The following CSMD3 variants were observed in gnomAD, a reference collection of about 807,000 sequenced individuals.
CSMD3 encodes the protein CUB and sushi domain-containing protein 3.
Under a neutral mutation model 435.2 loss-of-function variants are expected in CSMD3, and 177 were observed. That is an observed-to-expected ratio of 0.41 (90% CI 0.36 to 0.46). The LOEUF (loss-of-function observed/expected upper bound fraction) is 0.46. CSMD3 is among the 20% of genes least tolerant of loss of function. The probability of loss-of-function intolerance (pLI) is 0.34; values close to 1 mark genes in which losing one functional copy is unlikely to be tolerated. For synonymous variants in CSMD3, 1,656 were observed against 1,520.5 expected, an observed-to-expected ratio of 1.09 and a Z score of -2.07; for missense variants, 4,265 against 4,504.6, an observed-to-expected ratio of 0.95 and a Z score of 1.52.
At position 112,295,857 on chromosome 8, in the gene CSMD3, A is replaced by T. The variant is rs2130714010; in HGVS notation, c.8590T>A (p.Ser2864Thr). ...CGCACACAGGATGGGAGCTGACCAG[A>T]CCAATTGTGATCCTGTTGACATATC... ...VRICQQDHNW[S>T]GQLPSCVPVS... Residue 2864 changes from serine (S) to threonine (T), a missense_variant, in exon 54 of 71, where the codon TCT becomes ACT. Physicochemically the swap from Ser to Thr is moderately conservative, Grantham distance 58. Coordinates refer to ENST00000297405, the MANE Select transcript of CSMD3 (RefSeq NM_198123.2). The T allele has an allele frequency of 1.2e-6, 2 of 1,613,976 alleles. No homozygotes were observed. The highest frequency in any genetic ancestry group is 1.3e-5 in the African/African-American group (1 of 75,008).
At chr8:113,062,308 A>T (rs1029331004) in intron 5 of CSMD3, among the ~76,000 whole-genome samples, 7 of 151,946 alleles carry the variant, frequency 4.6e-5, no homozygotes, top group African/African-American at 1.4e-4. Context: ...GATTCTAAAT[A>T]AGCATGAATA....
intron 16 of CSMD3, among the ~76,000 whole-genome samples, chr8:112,670,954 T>G (rs2075641567): frequency 6.6e-6 from 1 of 152,154 alleles, no homozygotes; most frequent in Non-Finnish European, 1.5e-5. Flanking sequence ...AGTATTTTAA[T>G]TTAATAAAAT....
Position 112,223,564 on chromosome 8 carries a change from A to G in CSMD3, c.*1207T>C, listed in dbSNP as rs1196845687. 1 of 152,850 alleles carries G rather than the reference A, an allele frequency of 6.5e-6. No individual in the cohort carries two copies. Among genetic ancestry groups the G allele is most frequent in the African/African-American group, 2.4e-5 (1 of 41,468 alleles). 9.5% of individuals were successfully genotyped at this position (152,850 alleles called of 1,614,324 possible). On this transcript the variant is annotated 3_prime_UTR_variant, in exon 71 of 71. Coordinates refer to ENST00000297405, the MANE Select transcript of CSMD3 (RefSeq NM_198123.2). The stretch of plus-strand genomic sequence containing the variant: ...ATATCTTAATTTGACAATGAAAGAA[A>G]CCTCTTGTATGTGAAACTTGGTGTT...
intron 13 of CSMD3, 85 bp downstream of exon 13, chr8:112,800,077 T>G: frequency 1.1e-6 from 1 of 910,178 alleles, no homozygotes. Flanking sequence ...AAACTTTTAA[T>G]TTTGTAGATG....
intron 22 of CSMD3, among the ~76,000 whole-genome samples, chr8:112,624,811 A>G (rs912884732): frequency 3.3e-5 from 5 of 152,036 alleles, no homozygotes; most frequent in African/African-American, 1.2e-4. Flanking sequence ...TAAAGATATG[A>G]GATATGATTT....
At chr8:113,329,820 G>A (rs981292427) in intron 1 of CSMD3, among the ~76,000 whole-genome samples, 1 of 151,882 alleles carries the variant, frequency 6.6e-6, no homozygotes. Context: ...ACAAGAGAAC[G>A]TTAACAAGAA....
chr8:113,346,344 A>G (rs543161988), intron 1 of CSMD3, among the ~76,000 whole-genome samples: 1 of 152,194 alleles, frequency 6.6e-6, no homozygotes, highest in African/African-American at 2.4e-5. Context: ...TGCAAACCTA[A>G]TTTTTAAAAC....
At chr8:112,959,993 A>C (rs2130858585) in intron 7 of CSMD3, among the ~76,000 whole-genome samples, 1 of 151,980 alleles carries the variant, frequency 6.6e-6, no homozygotes, top group East Asian at 1.9e-4. Flanking sequence ...TGTAATTCTT[A>C]ACTATTTAGG....
At chr8:112,565,871 T>A (rs1324046350) in intron 24 of CSMD3, among the ~76,000 whole-genome samples, 1 of 151,996 alleles carries the variant, frequency 6.6e-6, no homozygotes, top group East Asian at 1.9e-4. Context: ...AATTAAATAA[T>A]CTTCAACAAA....
At chr8:113,404,984 A>G (rs74517085) in intron 1 of CSMD3, among the ~76,000 whole-genome samples, 2,737 of 151,568 alleles carry the variant, frequency 0.018, 93 homozygotes, top group African/African-American at 0.06. Flanking sequence ...AGGTCAAATT[A>G]AGTCTATGTT....
At chr8:112,506,031 G>C (rs1822468752) in intron 29 of CSMD3, among the ~76,000 whole-genome samples, 1 of 151,978 alleles carries the variant, frequency 6.6e-6, no homozygotes, top group Non-Finnish European at 1.5e-5. Context: ...TGAGAAAATG[G>C]GGATAGTAAT....
At chr8:112,645,327 G>T in intron 19 of CSMD3, 102 bp from the exon 20 acceptor site, 1 of 759,622 alleles carries the variant, frequency 1.3e-6, no homozygotes, top group Non-Finnish European at 2.4e-6. Context: ...CATTATCTTT[G>T]CTTATGCTAC....
intron 59 of CSMD3, among the ~76,000 whole-genome samples, chr8:112,270,369 T>TGTGTGTGTGTTAGGGGTGAGTGTGTGTGC (rs1554623044): frequency 2.0e-5 from 3 of 150,468 alleles, no homozygotes; most frequent in Non-Finnish European, 4.4e-5. Context: ...TGTGTGTGTG[T>TGTGTGTGTGTTAGGGGTGAGTGTGTGTGC]GTGTGTGTGT....
chr8:113,350,619 G>T (rs1456453939), intron 1 of CSMD3, among the ~76,000 whole-genome samples: 2 of 152,038 alleles, frequency 1.3e-5, no homozygotes, highest in African/African-American at 4.8e-5. Flanking sequence ...CAATTTCTCT[G>T]AAGGATTACC....
At chr8:113,417,675 T>G (rs2129896582) in intron 1 of CSMD3, among the ~76,000 whole-genome samples, 1 of 152,094 alleles carries the variant, frequency 6.6e-6, no homozygotes, top group South Asian at 2.1e-4. Flanking sequence ...TTTTCTTCCT[T>G]TTTGAAAGTA....
chr8:112,399,378 G>C (rs6469415), intron 35 of CSMD3, among the ~76,000 whole-genome samples: 4 of 151,166 alleles, frequency 2.6e-5, no homozygotes, highest in Admixed American at 6.6e-5. Context: ...CTCCTGCTTC[G>C]GCCTCCAGAG....
chr8:112,711,515 T>C (rs754176602), intron 13 of CSMD3, among the ~76,000 whole-genome samples: 2 of 152,116 alleles, frequency 1.3e-5, no homozygotes, highest in Admixed American at 6.6e-5. Context: ...GCATCTAATA[T>C]GCTATTTTAT....
intron 1 of CSMD3, among the ~76,000 whole-genome samples, chr8:113,357,514 A>T (rs2054453): frequency 6.6e-6 from 1 of 152,054 alleles, no homozygotes; most frequent in Non-Finnish European, 1.5e-5. Context: ...TTAAAAATGA[A>T]AGAAGTATAA....
chr8:112,574,047 A>G (rs11783840), intron 23 of CSMD3, among the ~76,000 whole-genome samples: 60,586 of 151,788 alleles, frequency 0.4, 13,074 homozygotes, highest in East Asian at 0.58. Context: ...TTACTTTTCC[A>G]ACAACATGAC....
Sources: gnomAD v4.1 joint callset for allele counts (sites outside exome capture counted in the v4.1 genomes callset) on GRCh38, gnomAD v4.1.1 for gene constraint, MANE v1.5 for transcripts, NCBI Gene and HGNC (gene_info 2026-07-23, HGNC 2026-07-21) for gene names.